CUX2: variants seen among roughly 807,000 people sequenced by gnomAD.
The protein encoded by CUX2 is cut like homeobox 2, also known as homeobox protein cut-like 2.
A neutral mutation model predicts 144.8 loss-of-function variants in CUX2; 40 were observed. The ratio of observed to expected loss-of-function variants is 0.28; its 90% CI spans 0.21 to 0.36. The LOEUF (loss-of-function observed/expected upper bound fraction) is 0.36, where lower values mean the gene tolerates loss of function less well. CUX2 is among the 10% of genes least tolerant of loss of function. CUX2 has a pLI of 1.00. For missense variants in CUX2, 1,615 were observed against 1,994.0 expected (o/e 0.81, Z 3.62); for synonymous variants, 827 against 875.6 (o/e 0.94, Z 0.98).
rs1888925972 is a variant in CUX2 at position 111,348,561 on chromosome 12, C to G, written c.*236C>G. 2 of 479,032 alleles carry G rather than the reference C, an allele frequency of 4.2e-6. No individual in the cohort carries two copies. Among genetic ancestry groups the G allele is most frequent in the Non-Finnish European group, 3.7e-6 (1 of 273,158 alleles). The allele number at this position is 479,032 out of a possible 1,614,324, so 29.7% of individuals were successfully genotyped here. On this transcript the variant is annotated 3_prime_UTR_variant, in exon 22 of 22. Coordinates refer to ENST00000261726, the MANE Select transcript of CUX2 (RefSeq NM_015267.4). Reference sequence around the variant, plus strand: ...CCCCCTGCTCCTCTTCACCCTGACCCCTCTGCAGGAGGCAGAAGCAAAATG... The same window carrying G: ...CCCCCTGCTCCTCTTCACCCTGACCGCTCTGCAGGAGGCAGAAGCAAAATG...
chr12:111,339,082 A>G (rs1214764505), intron 20 of CUX2, among the ~76,000 whole-genome samples: 3 of 152,010 alleles, frequency 2.0e-5, no homozygotes, highest in Non-Finnish European at 4.4e-5. Context: ...AAAATAAAAA[A>G]TTAGCTGGGC....
At chr12:111,062,016 A>G (rs1252321704) in intron 1 of CUX2, among the ~76,000 whole-genome samples, 1 of 152,188 alleles carries the variant, frequency 6.6e-6, no homozygotes, top group Admixed American at 6.5e-5. Context: ...GCAGGGTTAG[A>G]TGAGTGAATT....
At chr12:111,251,819 C>T (rs568035589) in intron 3 of CUX2, among the ~76,000 whole-genome samples, 3 of 152,086 alleles carry the variant, frequency 2.0e-5, no homozygotes, top group African/African-American at 7.2e-5. Flanking sequence ...CAGCGGTGGT[C>T]CAGAGGGGTG....
Position 111,320,506 on chromosome 12 carries a change from C to T in CUX2, c.2497C>T (p.Pro833Ser), listed in dbSNP as rs1251685928. ...AWPRGDEAPV[P>S]PEDEAAAGAE... ...GCCCCGCGGGGACGAGGCCCCTGTGCCCCCCGAGGACGAGGCGGCGGCAGG... is the reference window on the plus strand; with the variant it reads ...GCCCCGCGGGGACGAGGCCCCTGTGTCCCCCGAGGACGAGGCGGCGGCAGG... The change falls in exon 17 of 22, where the codon CCC (proline) becomes TCC (serine). Residue 833 changes from proline (P) to serine (S), a missense_variant. Physicochemically the swap from Pro to Ser is moderately conservative, Grantham distance 74. Transcript: ENST00000261726. This position sits in a 1 kb window ranked among gnomAD's most constrained non-coding sequence, Gnocchi z 8.1. 8 of 1,577,438 alleles carry T rather than the reference C, an allele frequency of 5.1e-6. No homozygotes were observed. Among genetic ancestry groups the T allele is most frequent in the Admixed American group, 1.7e-5 (1 of 58,356 alleles).
At chr12:111,200,501 A>T (rs1396170288) in intron 1 of CUX2, among the ~76,000 whole-genome samples, 1 of 151,882 alleles carries the variant, frequency 6.6e-6, no homozygotes, top group Non-Finnish European at 1.5e-5. Context: ...CTACTTGGAC[A>T]CTGTTTGTGG....
intron 18 of CUX2, among the ~76,000 whole-genome samples, chr12:111,328,865 G>A (rs1442856285): frequency 1.3e-5 from 2 of 151,394 alleles, no homozygotes; most frequent in African/African-American, 4.9e-5. Context: ...TGGGATTACA[G>A]GCATGAGCTA....
At chr12:111,319,134 C>T (rs1258322160) in intron 16 of CUX2, among the ~76,000 whole-genome samples, 4 of 151,636 alleles carry the variant, frequency 2.6e-5, no homozygotes, top group Non-Finnish European at 5.9e-5. Context: ...GGCAATATGG[C>T]AAAACCCCGT....
At chr12:111,174,577 T>C (rs1260433311) in intron 1 of CUX2, among the ~76,000 whole-genome samples, 1 of 152,172 alleles carries the variant, frequency 6.6e-6, no homozygotes, top group African/African-American at 2.4e-5. Flanking sequence ...CACATCCAGT[T>C]TTCCAAATAC....
chr12:111,248,340 C>T (rs1004993303), intron 3 of CUX2, among the ~76,000 whole-genome samples: 10 of 152,208 alleles, frequency 6.6e-5, no homozygotes, highest in Admixed American at 5.9e-4. Flanking sequence ...GCCTCACCAC[C>T]CAGGAAGTCT....
intron 3 of CUX2, among the ~76,000 whole-genome samples, chr12:111,240,319 A>G (rs1228201147): frequency 6.6e-6 from 1 of 152,214 alleles, no homozygotes; most frequent in African/African-American, 2.4e-5. Flanking sequence ...TGCTTCCCCC[A>G]CAAGGGCTAG....
rs545269174 is a variant in CUX2 at position 111,298,247 on chromosome 12, T to C, written c.705-294T>C. On this transcript the variant is annotated intron_variant, in intron 8 of 21. Coordinates refer to ENST00000261726, the MANE Select transcript of CUX2 (RefSeq NM_015267.4). ...TGATCAGGGTTTTAAAGCCGGGGGC[T>C]GTTCTCTTGAGGATGGGCATTCCAG... Among the ~76,000 whole-genome samples, 5 of 152,292 alleles carry C rather than the reference T, an allele frequency of 3.3e-5. No homozygotes were observed. The South Asian group carries it at 1.0e-3, about 32-fold the overall frequency.
intron 3 of CUX2, among the ~76,000 whole-genome samples, chr12:111,228,264 T>C (rs1882276561): frequency 6.6e-6 from 1 of 152,092 alleles, no homozygotes; most frequent in Non-Finnish European, 1.5e-5. Context: ...TGGGTTCAAC[T>C]CCCCATTTTG....
At chr12:111,247,236 C>A (rs1038199720) in intron 3 of CUX2, among the ~76,000 whole-genome samples, 1 of 152,166 alleles carries the variant, frequency 6.6e-6, no homozygotes, top group African/African-American at 2.4e-5. Flanking sequence ...AGGACCCCGG[C>A]TAGACTGGGC....
At chr12:111,259,335 C>A (rs569015205) in intron 3 of CUX2, among the ~76,000 whole-genome samples, 1 of 152,198 alleles carries the variant, frequency 6.6e-6, no homozygotes, top group Non-Finnish European at 1.5e-5. Flanking sequence ...GCCACAAAGT[C>A]TCTTTCACAA....
intron 9 of CUX2, among the ~76,000 whole-genome samples, chr12:111,299,601 G>A (rs1886184803): frequency 6.6e-6 from 1 of 152,170 alleles, no homozygotes; most frequent in African/African-American, 2.4e-5. Flanking sequence ...CCGTGGTGGT[G>A]GTAACCGCAG....
Position 111,219,113 on chromosome 12 carries a change from A to G in CUX2, c.222+1176A>G, listed in dbSNP as rs116999587. On this transcript the variant is annotated intron_variant, in intron 3 of 21. Transcript: ENST00000261726. ...TTAAGTCTGTCATCCACCAAGCGCC[A>G]CATTACTTTAAATCTGTCTCTTTGG... Among the ~76,000 whole-genome samples the G allele has an allele frequency of 2.1e-4, 32 of 152,338 alleles. 1 individual carries two copies. The East Asian group carries it at 6.0e-3, about 28-fold the overall frequency.
At chr12:111,048,568 T>TA (rs1870110697) in intron 1 of CUX2, among the ~76,000 whole-genome samples, 1 of 152,100 alleles carries the variant, frequency 6.6e-6, no homozygotes, top group African/African-American at 2.4e-5. Context: ...CTCCTGGACA[T>TA]AGAGCTGGTG....
rs149990166 is a variant in CUX2, at chr12:111,126,211, C to T, written c.64-87989C>T. Among the ~76,000 whole-genome samples, 697 of 151,724 alleles carry T rather than the reference C, an allele frequency of 4.6e-3. 5 individuals carry two copies. Among genetic ancestry groups the T allele is most frequent in the African/African-American group, 0.016 (656 of 41,354 alleles). On this transcript the variant is annotated intron_variant, in intron 1 of 21. Transcript: ENST00000261726. Reference sequence around the variant, plus strand: ...GCAACCTCTGCCTCTCAGGTTCAAGCGATTCTCCTGCCTCAGTCTCCCTAG... The same window carrying T: ...GCAACCTCTGCCTCTCAGGTTCAAGTGATTCTCCTGCCTCAGTCTCCCTAG...
intron 4 of CUX2, chr12:111,270,650 A>C (rs1279811159): frequency 6.6e-6 from 1 of 152,012 alleles, no homozygotes; most frequent in African/African-American, 2.4e-5. Flanking sequence ...AAGGAAAAAA[A>C]AAAAAAAAAC....
Sources: gnomAD v4.1 joint callset for allele counts (sites outside exome capture counted in the v4.1 genomes callset) on GRCh38, gnomAD v4.1.1 for gene constraint, Gnocchi (gnomAD v3.1) non-coding constraint, MANE v1.5 for transcripts, NCBI Gene and HGNC (gene_info 2026-07-23, HGNC 2026-07-21) for gene names.